The following KCNH5 variants were observed in gnomAD, a reference collection of about 807,000 sequenced individuals.
The protein encoded by KCNH5 is voltage-gated delayed rectifier potassium channel KCNH5.
A neutral mutation model predicts 96.1 loss-of-function variants in KCNH5; 46 were observed. That is an observed-to-expected ratio of 0.48 (90% CI 0.38 to 0.61). The LOEUF (loss-of-function observed/expected upper bound fraction) is 0.61, where lower values mean the gene tolerates loss of function less well. Among genes scored for constraint, KCNH5 ranks in the 20% least tolerant of loss-of-function variants. The probability of loss-of-function intolerance (pLI) is 0.00; values close to 1 mark genes in which losing one functional copy is unlikely to be tolerated. For synonymous variants in KCNH5, 439 were observed against 449.8 expected (o/e 0.98, Z 0.30); for missense variants, 907 against 1,225.8 (o/e 0.74, Z 3.88).
intron 7 of KCNH5, among the ~76,000 whole-genome samples, chr14:62,891,132 A>C (rs1022714082): frequency 2.0e-5 from 3 of 152,234 alleles, no homozygotes; most frequent in Non-Finnish European, 2.9e-5. Context: ...ACTGTTCACA[A>C]TAGCAAAGAC....
intron 8 of KCNH5, among the ~76,000 whole-genome samples, chr14:62,839,544 A>G (rs535845546): frequency 6.6e-6 from 1 of 151,922 alleles, no homozygotes; most frequent in Non-Finnish European, 1.5e-5. Context: ...TATTCTAAAC[A>G]AATATGTGAT....
chr14:62,832,702 T>C (rs1360729066), intron 8 of KCNH5, among the ~76,000 whole-genome samples: 1 of 152,170 alleles, frequency 6.6e-6, no homozygotes, highest in Non-Finnish European at 1.5e-5. Flanking sequence ...ATAGCAGCTA[T>C]ATCATTTTTA....
Position 62,978,680 on chromosome 14 carries a change from T to C in KCNH5, c.942+2192A>G, listed in dbSNP as rs549187083. Among the ~76,000 whole-genome samples the C allele has an allele frequency of 1.3e-4, 20 of 151,864 alleles. No individual in the cohort carries two copies. The East Asian group carries it at 3.5e-3, about 26-fold the overall frequency. On this transcript the variant is annotated intron_variant, in intron 6 of 10. Coordinates refer to ENST00000322893, the MANE Select transcript of KCNH5 (RefSeq NM_139318.5). ...TAAGTTGAGAGAATCTTTTAATATA[T>C]ATTACATAATTATAAATGTATAAAT...
intron 7 of KCNH5, among the ~76,000 whole-genome samples, chr14:62,881,878 T>A (rs183609010): frequency 1.3e-5 from 2 of 152,248 alleles, no homozygotes; most frequent in African/African-American, 4.8e-5. Context: ...ATTAATAGAC[T>A]GTCTCCTAAA....
At chr14:62,754,562 T>C (rs1885577153) in intron 10 of KCNH5, among the ~76,000 whole-genome samples, 1 of 151,888 alleles carries the variant, frequency 6.6e-6, no homozygotes, top group Admixed American at 6.6e-5. Flanking sequence ...AAAATGGTAT[T>C]TCATACAAAT....
chr14:62,935,057 G>A (rs563257637), intron 7 of KCNH5, among the ~76,000 whole-genome samples: 41 of 152,232 alleles, frequency 2.7e-4, no homozygotes, highest in African/African-American at 8.9e-4. Context: ...GCAGTCAAGC[G>A]TACTATGAAA....
chr14:62,982,073 G>A (rs1005134716), intron 5 of KCNH5, among the ~76,000 whole-genome samples: 5 of 152,124 alleles, frequency 3.3e-5, no homozygotes, highest in Admixed American at 6.6e-5. Flanking sequence ...TCTGGAACCT[G>A]GAACCTGGGA....
At chr14:62,927,706 ATGG>A (rs1889502863) in intron 7 of KCNH5, among the ~76,000 whole-genome samples, 1 of 152,098 alleles carries the variant, frequency 6.6e-6, no homozygotes, top group Admixed American at 6.6e-5. Flanking sequence ...AGAAAGTCGG[ATGG>A]TGGTCTCCAG....
chr14:63,013,089 G>C (rs190980025), intron 2 of KCNH5, among the ~76,000 whole-genome samples: 12 of 152,052 alleles, frequency 7.9e-5, no homozygotes, highest in Admixed American at 2.0e-4. Flanking sequence ...ATTTGATTCT[G>C]TGTGTCTGGT....
At chr14:62,765,104 A>G (rs1234282897) in intron 10 of KCNH5, among the ~76,000 whole-genome samples, 1 of 152,176 alleles carries the variant, frequency 6.6e-6, no homozygotes, top group East Asian at 1.9e-4. Flanking sequence ...GAGGAATCGC[A>G]CTACCTGACT....
intron 9 of KCNH5, among the ~76,000 whole-genome samples, chr14:62,794,214 A>G (rs1470500382): frequency 6.6e-6 from 1 of 152,040 alleles, no homozygotes. Flanking sequence ...TGTAACGTAT[A>G]CTGTTATGGT....
rs528615540 is a variant in KCNH5 at position 62,761,346 on chromosome 14, C to T, written c.2019+18382G>A. Among the ~76,000 whole-genome samples the T allele has an allele frequency of 1.1e-4, 15 of 134,094 alleles. No homozygotes were observed. The South Asian group carries it at 4.7e-3, about 42-fold the overall frequency. 88.0% of individuals were successfully genotyped at this position (134,094 alleles called of 152,430 possible). A position where few individuals can be genotyped will look rare whatever the true frequency, so the allele number is the denominator to read the frequency against. The stretch of plus-strand genomic sequence containing the variant: ...CTTCAACCTGGGTGACAGAATGAGA[C>T]TCACTCTCTCAAAAAAAAAAAAAAA... On this transcript the variant is annotated intron_variant, in intron 10 of 10. Coordinates refer to ENST00000322893, the MANE Select transcript of KCNH5 (RefSeq NM_139318.5).
chr14:62,738,257 C>T (rs1388469362), intron 10 of KCNH5, among the ~76,000 whole-genome samples: 1 of 152,146 alleles, frequency 6.6e-6, no homozygotes, highest in Non-Finnish European at 1.5e-5. Flanking sequence ...CTTCAGATTT[C>T]ATCACTTCTC....
At chr14:63,015,660 G>T (rs1224326759) in intron 2 of KCNH5, among the ~76,000 whole-genome samples, 2 of 151,888 alleles carry the variant, frequency 1.3e-5, no homozygotes, top group East Asian at 1.9e-4. Flanking sequence ...ACAGGGGATT[G>T]GTTCCAGGAT....
At chr14:62,866,201 T>G (rs1888131219) in intron 7 of KCNH5, among the ~76,000 whole-genome samples, 1 of 152,224 alleles carries the variant, frequency 6.6e-6, no homozygotes, top group Non-Finnish European at 1.5e-5. Context: ...TAATTGCTTA[T>G]GATGAATGGA....
At chr14:63,022,531 T>C (rs1891448431) in intron 1 of KCNH5, among the ~76,000 whole-genome samples, 1 of 152,196 alleles carries the variant, frequency 6.6e-6, no homozygotes, top group South Asian at 2.1e-4. Context: ...CTTTTGGCTC[T>C]CATAAGACCC....
At chr14:62,767,484 T>G (rs1467935342) in intron 10 of KCNH5, among the ~76,000 whole-genome samples, 1 of 152,224 alleles carries the variant, frequency 6.6e-6, no homozygotes, top group Non-Finnish European at 1.5e-5. Context: ...ACTGGAATAC[T>G]ACACAGCCAT....
At chr14:62,719,353 C>A (rs1415419213) in intron 10 of KCNH5, among the ~76,000 whole-genome samples, 1 of 152,206 alleles carries the variant, frequency 6.6e-6, no homozygotes, top group Non-Finnish European at 1.5e-5. Flanking sequence ...ACCCATGAAG[C>A]CAGCTAGGAA....
chr14:62,874,685 G>A lies in KCNH5; in HGVS notation c.1370-24833C>T, dbSNP rs764543602. Among the ~76,000 whole-genome samples, 1,268 of 148,440 alleles carry A rather than the reference G, an allele frequency of 8.5e-3. 5 individuals carry two copies. Among genetic ancestry groups the A allele is most frequent in the Non-Finnish European group, 0.012 (806 of 67,198 alleles). Reference sequence around the variant, plus strand: ...TCAATAAATTAGGTATTGATGGGACGTATTTCAAAATAATAAGAGCTATCT... The same window carrying A: ...TCAATAAATTAGGTATTGATGGGACATATTTCAAAATAATAAGAGCTATCT... On this transcript the variant is annotated intron_variant, in intron 7 of 10. Coordinates refer to ENST00000322893, the MANE Select transcript of KCNH5 (RefSeq NM_139318.5).
Sources: gnomAD v4.1 joint callset for allele counts (sites outside exome capture counted in the v4.1 genomes callset) on GRCh38, gnomAD v4.1.1 for gene constraint, MANE v1.5 for transcripts, NCBI Gene and HGNC (gene_info 2026-07-23, HGNC 2026-07-21) for gene names.